Variants in CDK6 observed in about 807,000 individuals in gnomAD.
The protein encoded by CDK6 is cyclin dependent kinase 6.
A neutral mutation model predicts 37.1 loss-of-function variants in CDK6; 6 were observed. That is an observed-to-expected ratio of 0.16 (90% CI 0.09 to 0.32). The LOEUF (loss-of-function observed/expected upper bound fraction) is 0.32. CDK6 is among the 10% of genes least tolerant of loss of function. The pLI is 1.00. For synonymous variants in CDK6, 160 were observed against 161.3 expected (o/e 0.99, Z 0.06); for missense variants, 224 against 418.9 (o/e 0.53, Z 4.06).
At chr7:92,654,905 G>C (rs1408476455) in intron 5 of CDK6, among the ~76,000 whole-genome samples, 1 of 152,058 alleles carries the variant, frequency 6.6e-6, no homozygotes, top group East Asian at 1.9e-4. Context: ...GGTTGCAATG[G>C]CACAATCATG....
chr7:92,741,173 G>A (rs1171460454), intron 3 of CDK6, among the ~76,000 whole-genome samples: 1 of 152,148 alleles, frequency 6.6e-6, no homozygotes, highest in Non-Finnish European at 1.5e-5. Flanking sequence ...GGGTAATTCT[G>A]ACATGTAAAC....
Position 92,618,213 on chromosome 7 carries a change from A to G in CDK6, c.699-6T>C, listed in dbSNP as rs1287060189. On this transcript the variant is annotated splice_polypyrimidine_tract_variant and splice_region_variant and intron_variant, in intron 6 of 7. Transcript: ENST00000424848. Reference sequence around the variant, plus strand: ...CTCCTGGGAGTCCAATCACGCTACAAAAGAACCACACATGGACATAAGCAT... The same window carrying G: ...CTCCTGGGAGTCCAATCACGCTACAGAAGAACCACACATGGACATAAGCAT... 3 of 1,613,862 alleles carry G rather than the reference A, an allele frequency of 1.9e-6. No individual in the cohort carries two copies. Among genetic ancestry groups the G allele is most frequent in the Non-Finnish European group, 1.7e-6 (2 of 1,179,872 alleles).
chr7:92,787,059 G>A (rs2115838892), intron 2 of CDK6, among the ~76,000 whole-genome samples: 1 of 152,052 alleles, frequency 6.6e-6, no homozygotes, highest in Non-Finnish European at 1.5e-5. Context: ...GCGCATGTCT[G>A]TAATCTCAGC....
intron 2 of CDK6, among the ~76,000 whole-genome samples, chr7:92,788,955 C>A (rs1445180701): frequency 6.6e-6 from 1 of 151,784 alleles, no homozygotes; most frequent in Non-Finnish European, 1.5e-5. Flanking sequence ...CTCATCTCTA[C>A]AAAAGATTTT....
At chr7:92,630,550 A>G (rs1275649564) in intron 5 of CDK6, among the ~76,000 whole-genome samples, 1 of 152,208 alleles carries the variant, frequency 6.6e-6, no homozygotes, top group African/African-American at 2.4e-5. Context: ...TTCGGAAGCT[A>G]TAATTCACAA....
intron 5 of CDK6, among the ~76,000 whole-genome samples, chr7:92,639,199 G>GA (rs2116530130): frequency 6.6e-6 from 1 of 152,270 alleles, no homozygotes; most frequent in Admixed American, 6.5e-5. Context: ...TTGAAATAAA[G>GA]AAAGTACATA....
At chr7:92,803,580 A>G (rs369049812) in intron 2 of CDK6, among the ~76,000 whole-genome samples, 1 of 152,218 alleles carries the variant, frequency 6.6e-6, no homozygotes, top group East Asian at 1.9e-4. Context: ...ACAGTGTGGG[A>G]CATGAACATG....
intron 3 of CDK6, among the ~76,000 whole-genome samples, chr7:92,770,928 T>TTA (rs1799698355): frequency 6.6e-6 from 1 of 152,048 alleles, no homozygotes; most frequent in Non-Finnish European, 1.5e-5. Context: ...ATTTTCTATT[T>TTA]TATATATATT....
At chr7:92,761,304 T>C (rs1302672133) in intron 3 of CDK6, among the ~76,000 whole-genome samples, 1 of 152,194 alleles carries the variant, frequency 6.6e-6, no homozygotes, top group Non-Finnish European at 1.5e-5. Flanking sequence ...CCTACACACA[T>C]ATCTTTTGAA....
chr7:92,687,692 CA>C (rs1195082104), intron 4 of CDK6, among the ~76,000 whole-genome samples: 1 of 152,144 alleles, frequency 6.6e-6, no homozygotes, highest in African/African-American at 2.4e-5. Context: ...GAGGTGTACA[CA>C]AATCTTAACA....
chr7:92,666,870 T>G (rs942613573), intron 5 of CDK6, among the ~76,000 whole-genome samples: 1 of 152,230 alleles, frequency 6.6e-6, no homozygotes, highest in African/African-American at 2.4e-5. Flanking sequence ...ATCATTATTT[T>G]AGAGTGTACT....
intron 2 of CDK6, among the ~76,000 whole-genome samples, chr7:92,800,027 CTTG>C (rs2115894258): frequency 6.6e-6 from 1 of 152,314 alleles, no homozygotes; most frequent in African/African-American, 2.4e-5. Context: ...CATAATTCAT[CTTG>C]TTGACCCTAC....
At chr7:92,719,273 G>C (rs1473237873) in intron 4 of CDK6, among the ~76,000 whole-genome samples, 1 of 152,054 alleles carries the variant, frequency 6.6e-6, no homozygotes, top group East Asian at 1.9e-4. Flanking sequence ...TATTCTTCCT[G>C]ATGCTTTCCC....
At chr7:92,793,552 A>G (rs1800332655) in intron 2 of CDK6, among the ~76,000 whole-genome samples, 1 of 152,162 alleles carries the variant, frequency 6.6e-6, no homozygotes, top group African/African-American at 2.4e-5. Context: ...ACCTACATGC[A>G]AAAGAATGAA....
intron 4 of CDK6, among the ~76,000 whole-genome samples, chr7:92,682,756 A>G (rs527528758): frequency 6.6e-6 from 1 of 152,326 alleles, no homozygotes; most frequent in African/African-American, 2.4e-5. Flanking sequence ...TTTATAGGCC[A>G]TAGTTGTGTC....
chr7:92,797,361 T>A (rs1023173406), intron 2 of CDK6, among the ~76,000 whole-genome samples: 1 of 152,206 alleles, frequency 6.6e-6, no homozygotes, highest in African/African-American at 2.4e-5. Context: ...ACTTGACATG[T>A]ACAGTTTTTA....
At chr7:92,655,611 T>C (rs1207030072) in intron 5 of CDK6, among the ~76,000 whole-genome samples, 2 of 152,230 alleles carry the variant, frequency 1.3e-5, no homozygotes, top group African/African-American at 4.8e-5. Flanking sequence ...TGCAAACACA[T>C]TTGGCACGCT....
At chr7:92,798,536 A>G (rs749006740) in intron 2 of CDK6, among the ~76,000 whole-genome samples, 2 of 152,218 alleles carry the variant, frequency 1.3e-5, no homozygotes, top group South Asian at 4.1e-4. Context: ...TAGATCTGCT[A>G]TATAAGAGAG....
At chr7:92,803,879 T>C (rs1306447975) in intron 2 of CDK6, among the ~76,000 whole-genome samples, 2 of 152,156 alleles carry the variant, frequency 1.3e-5, no homozygotes, top group Non-Finnish European at 2.9e-5. Context: ...GTAGGATAAA[T>C]TAATCTTCAA....
Sources: gnomAD v4.1 joint callset for allele counts (sites outside exome capture counted in the v4.1 genomes callset) on GRCh38, gnomAD v4.1.1 for gene constraint, MANE v1.5 for transcripts, NCBI Gene and HGNC (gene_info 2026-07-23, HGNC 2026-07-21) for gene names.